SATB1: variants seen among roughly 807,000 people sequenced by gnomAD.
SATB1 encodes SATB homeobox 1.
Under a neutral mutation model 86.9 loss-of-function variants are expected in SATB1, and 11 were observed. The observed-to-expected ratio is 0.13, with a 90% CI of 0.08 to 0.21. The LOEUF (loss-of-function observed/expected upper bound fraction) is 0.21, where lower values mean the gene tolerates loss of function less well. Ranked by LOEUF, SATB1 falls within the 10% of genes least tolerant of loss-of-function variation. The probability of loss-of-function intolerance (pLI) is 1.00; values close to 1 mark genes in which losing one functional copy is unlikely to be tolerated. For synonymous variants in SATB1, 357 were observed against 357.2 expected, an observed-to-expected ratio of 1.00 and a Z score of 0.01; for missense variants, 551 against 937.6, an observed-to-expected ratio of 0.59 and a Z score of 5.39.
rs752964405 is a variant in SATB1, at chr3:18,394,564, G to A, written c.1104C>T (p.Asn368=). ...GGTAGATTTCGGAAGACACCTCTGTGTTGGTCGAAACCTGTTGCTCCAAAG... is the reference window on the plus strand; with the variant it reads ...GGTAGATTTCGGAAGACACCTCTGTATTGGTCGAAACCTGTTGCTCCAAAG... ...NKPLEQQVST[N]TEVSSEIYQW... Residue 368 remains asparagine, a synonymous_variant, in exon 7 of 11, where the codon AAC becomes AAT. Transcript: ENST00000338745. The surrounding 1 kb of genome is among the most constrained non-coding windows in gnomAD (Gnocchi z 5.9). 3 of 1,614,170 alleles carry A rather than the reference G, an allele frequency of 1.9e-6. No individual in the cohort carries two copies. In the African/African-American group the frequency reaches 4.0e-5, roughly 22 times the overall value.
intron 7 of SATB1, among the ~76,000 whole-genome samples, chr3:18,392,150 A>G (rs1351870686): frequency 3.3e-5 from 5 of 152,172 alleles, no homozygotes; most frequent in African/African-American, 9.7e-5. Context: ...ATAAGGAGGT[A>G]TCTGCAATCA....
At chr3:18,415,336 T>G in intron 4 of SATB1, 102 bp from the exon 5 acceptor site, 2 of 1,363,726 alleles carry the variant, frequency 1.5e-6, no homozygotes, top group Non-Finnish European at 2.1e-6. Context: ...ATCAAACAGA[T>G]GCATCTGGAG....
upstream of SATB1, among the ~76,000 whole-genome samples, chr3:18,442,451 T>C (rs1699266472): frequency 6.6e-6 from 1 of 152,204 alleles, no homozygotes; most frequent in Non-Finnish European, 1.5e-5. Flanking sequence ...AACTATGAAG[T>C]AGTAAGTGTC....
intron 5 of SATB1, chr3:18,409,016 A>G (rs2125144636): frequency 6.6e-6 from 1 of 152,138 alleles, no homozygotes; most frequent in South Asian, 2.1e-4. Context: ...CTCTCATGAT[A>G]TGGTAATTTT....
At chr3:18,389,288 A>G (rs1385173252) in intron 7 of SATB1, among the ~76,000 whole-genome samples, 1 of 138,904 alleles carries the variant, frequency 7.2e-6, no homozygotes, top group Non-Finnish European at 1.5e-5. Context: ...TTTGGCCCAG[A>G]GCTTTCAATG....
chr3:18,400,673 A>G (rs1697214528), intron 5 of SATB1, among the ~76,000 whole-genome samples: 1 of 152,208 alleles, frequency 6.6e-6, no homozygotes, highest in South Asian at 2.1e-4. Flanking sequence ...CATATTACAT[A>G]TAGACTGAAG....
intron 9 of SATB1, among the ~76,000 whole-genome samples, chr3:18,353,644 A>G (rs1421662438): frequency 1.3e-5 from 2 of 152,118 alleles, no homozygotes; most frequent in Non-Finnish European, 2.9e-5. Context: ...TCCCTTCTCA[A>G]ACTGAAACGA....
chr3:18,435,110 T>G (rs1278478403), intron 2 of SATB1: 1 of 152,208 alleles, frequency 6.6e-6, no homozygotes, highest in Non-Finnish European at 1.5e-5. Context: ...ATAATACAGC[T>G]GACCTATGTT....
chr3:18,391,385 T>C (rs1001032995), intron 7 of SATB1, among the ~76,000 whole-genome samples: 5 of 152,076 alleles, frequency 3.3e-5, no homozygotes, highest in Admixed American at 1.3e-4. Context: ...CATTAATTTT[T>C]TTTTTATTAT....
intron 8 of SATB1, among the ~76,000 whole-genome samples, chr3:18,384,388 C>T (rs1238415845): frequency 6.6e-6 from 1 of 150,854 alleles, no homozygotes; most frequent in South Asian, 2.1e-4. Context: ...ATAAATAAAA[C>T]CAGAGTCCTA....
At chr3:18,388,629 T>C (rs909280026) in intron 7 of SATB1, among the ~76,000 whole-genome samples, 7 of 152,224 alleles carry the variant, frequency 4.6e-5, no homozygotes, top group East Asian at 1.9e-4. Flanking sequence ...AAACAGGTGA[T>C]AGAAACTTAA....
intron 9 of SATB1, among the ~76,000 whole-genome samples, chr3:18,371,767 CA>C (rs1410032632): frequency 6.6e-6 from 1 of 152,150 alleles, no homozygotes; most frequent in Non-Finnish European, 1.5e-5. Context: ...CCTTCATTAT[CA>C]AAAACATAAA....
upstream of SATB1, among the ~76,000 whole-genome samples, chr3:18,442,728 T>G (rs1206791535): frequency 2.0e-5 from 3 of 152,228 alleles, no homozygotes; most frequent in East Asian, 5.8e-4. Flanking sequence ...TATAACCTTT[T>G]CTAACAATGT....
At chr3:18,401,008 C>A (rs889624526) in intron 5 of SATB1, among the ~76,000 whole-genome samples, 1 of 152,196 alleles carries the variant, frequency 6.6e-6, no homozygotes, top group African/African-American at 2.4e-5. Context: ...CTTGGATGCA[C>A]GGCCCATGCC....
intron 2 of SATB1, among the ~76,000 whole-genome samples, chr3:18,430,969 G>A (rs1363038138): frequency 1.3e-5 from 2 of 152,204 alleles, no homozygotes; most frequent in Non-Finnish European, 2.9e-5. Flanking sequence ...GAAACCGACA[G>A]GATATCTGGG....
rs972624277 is a variant in SATB1, at chr3:18,352,365, G to T, written c.1576-170C>A. 1.0e-5 allele frequency: 6 copies of T among 591,850 alleles called. No individual in the cohort carries two copies. Among genetic ancestry groups the T allele is most frequent in the Admixed American group, 5.9e-5 (2 of 33,646 alleles). 36.7% of individuals were successfully genotyped at this position (591,850 alleles called of 1,614,324 possible). A position where few individuals can be genotyped will look rare whatever the true frequency, so the allele number is the denominator to read the frequency against. On this transcript the variant is annotated intron_variant, in intron 9 of 10. Coordinates refer to ENST00000338745, the MANE Select transcript of SATB1 (RefSeq NM_002971.6). This position sits in a 1 kb window ranked among gnomAD's most constrained non-coding sequence, Gnocchi z 4.1. ...TTGTTAAGAGAGGTTATCTGTGGCT[G>T]TCAAGGAGGCAGACTCTGTTTCTAA...
chr3:18,353,840 C>G (rs780167310), intron 9 of SATB1, among the ~76,000 whole-genome samples: 1 of 152,162 alleles, frequency 6.6e-6, no homozygotes, highest in Non-Finnish European at 1.5e-5. Context: ...TACTAGTATT[C>G]CTATTCAACA....
At chr3:18,361,684 A>G (rs1047227345) in intron 9 of SATB1, among the ~76,000 whole-genome samples, 1 of 152,186 alleles carries the variant, frequency 6.6e-6, no homozygotes, top group Non-Finnish European at 1.5e-5. Context: ...TTTTGATCCA[A>G]TAATTTCACT....
At chr3:18,382,922 T>A (rs1370398610) in intron 8 of SATB1, among the ~76,000 whole-genome samples, 2 of 152,248 alleles carry the variant, frequency 1.3e-5, no homozygotes, top group Admixed American at 6.5e-5. Flanking sequence ...AAACTCTGAC[T>A]CAACCTTAAA....
Sources: allele counts gnomAD v4.1 joint callset (sites outside exome capture counted in the v4.1 genomes callset), GRCh38; gene constraint gnomAD v4.1.1; non-coding constraint Gnocchi (gnomAD v3.1); transcripts MANE v1.5; gene names NCBI Gene and HGNC (gene_info 2026-07-23, HGNC 2026-07-21).